The following ACTR3B variants were observed in gnomAD, a reference collection of about 807,000 sequenced individuals.
ACTR3B encodes actin related protein 3B.
A neutral mutation model predicts 59.0 loss-of-function variants in ACTR3B; 8 were observed. The observed-to-expected ratio is 0.14, with a 90% CI of 0.08 to 0.24. The LOEUF is 0.24. ACTR3B is among the 10% of genes least tolerant of loss of function. The pLI, the probability that ACTR3B is intolerant of heterozygous loss-of-function variation, is 1.00. For missense variants in ACTR3B, 245 were observed against 552.3 expected (o/e 0.44, Z 5.58); for synonymous variants, 148 against 197.9 (o/e 0.75, Z 2.12).
intron 2 of ACTR3B, among the ~76,000 whole-genome samples, chr7:152,798,155 A>G (rs1434613551): frequency 7.9e-5 from 12 of 151,948 alleles, no homozygotes; most frequent in Admixed American, 7.9e-4. Context: ...TCCCACCTAT[A>G]GTGTATAAAG....
intron 2 of ACTR3B, among the ~76,000 whole-genome samples, chr7:152,798,107 T>G (rs1430508250): frequency 6.6e-6 from 1 of 152,142 alleles, no homozygotes; most frequent in Non-Finnish European, 1.5e-5. Context: ...TTGAGGAGCC[T>G]CTATACTGTT....
chr7:152,781,270 A>G (rs1189931562), intron 1 of ACTR3B, among the ~76,000 whole-genome samples: 1 of 133,662 alleles, frequency 7.5e-6, no homozygotes, highest in Non-Finnish European at 1.5e-5. Context: ...AGATTGTAGG[A>G]GATGATATCT....
intron 2 of ACTR3B, among the ~76,000 whole-genome samples, chr7:152,799,308 T>C (rs2098227227): frequency 6.6e-6 from 1 of 152,240 alleles, no homozygotes; most frequent in Non-Finnish European, 1.5e-5. Context: ...AATATTTCTC[T>C]AATGTCTGTT....
intron 1 of ACTR3B, among the ~76,000 whole-genome samples, chr7:152,779,823 A>C (rs2098146056): frequency 6.6e-6 from 1 of 152,190 alleles, no homozygotes; most frequent in Admixed American, 6.5e-5. Flanking sequence ...GATTTTATTA[A>C]AATTTTAAAT....
intron 1 of ACTR3B, among the ~76,000 whole-genome samples, chr7:152,767,960 C>G (rs1469864547): frequency 6.6e-6 from 1 of 152,222 alleles, no homozygotes; most frequent in African/African-American, 2.4e-5. Flanking sequence ...TGGCTCACAC[C>G]TGTAATTGCA....
chr7:152,806,782 C>T (rs1397306264), intron 4 of ACTR3B, among the ~76,000 whole-genome samples: 1 of 152,222 alleles, frequency 6.6e-6, no homozygotes, highest in Admixed American at 6.5e-5. Context: ...TCCCTGTCCA[C>T]AAGGAAGTCT....
rs545633255 is a variant in ACTR3B, at chr7:152,830,428, T to A, written c.951+5306T>A. ...TGAAGCAGATGTAAATACATCCTGC[T>A]ATAGCAAAGGGATTGATTTTTCTGT... is the stretch of plus-strand genomic sequence containing the variant. On this transcript the variant is annotated intron_variant, in intron 9 of 11. Coordinates refer to ENST00000256001, the MANE Select transcript of ACTR3B (RefSeq NM_020445.6). Among the ~76,000 whole-genome samples, 73 of 152,384 alleles carry A rather than the reference T, an allele frequency of 4.8e-4. 1 individual carries two copies. The highest frequency in any genetic ancestry group is 1.6e-3 in the African/African-American group (68 of 41,594).
chr7:152,848,853 G>A (rs1798574339), intron 9 of ACTR3B, among the ~76,000 whole-genome samples: 1 of 152,190 alleles, frequency 6.6e-6, no homozygotes, highest in South Asian at 2.1e-4. Context: ...CTGCAGCTGT[G>A]GTTGATGGTC....
chr7:152,843,272 G>A (rs977457215), intron 9 of ACTR3B, among the ~76,000 whole-genome samples: 10 of 152,138 alleles, frequency 6.6e-5, no homozygotes, highest in South Asian at 2.1e-4. Context: ...ACAAAATTAC[G>A]AAGTTTTTAA....
chr7:152,785,155 T>C (rs1203654956), intron 2 of ACTR3B, among the ~76,000 whole-genome samples: 2 of 151,736 alleles, frequency 1.3e-5, no homozygotes, highest in Non-Finnish European at 2.9e-5. Flanking sequence ...CATTTAAAGC[T>C]GTCGGTAGCA....
rs550209677 is a variant in ACTR3B, at chr7:152,814,216, T to G, written c.337-334T>G. 21 of 248,062 alleles carry G rather than the reference T, an allele frequency of 8.5e-5. 1 individual carries two copies. The highest frequency in any genetic ancestry group is 4.2e-4 in the African/African-American group (17 of 40,400). 15.4% of individuals were successfully genotyped at this position (248,062 alleles called of 1,614,324 possible). ...TGTCCTCACTCGTCTTGGTTGTGTT[T>G]TCATAGCCCTTGGCAACTTGCTTCT... is the stretch of plus-strand genomic sequence containing the variant. On this transcript the variant is annotated intron_variant, in intron 4 of 11. Transcript: ENST00000256001.
At chr7:152,790,754 C>G (rs1312899909) in intron 2 of ACTR3B, among the ~76,000 whole-genome samples, 1 of 152,120 alleles carries the variant, frequency 6.6e-6, no homozygotes, top group Non-Finnish European at 1.5e-5. Flanking sequence ...GTAAAAATAT[C>G]TAACAGTCTT....
Position 152,795,950 on chromosome 7 carries a change from T to A in ACTR3B, c.101-4581T>A, listed in dbSNP as rs1299837384. On this transcript the variant is annotated intron_variant, in intron 2 of 11. Coordinates refer to ENST00000256001, the MANE Select transcript of ACTR3B (RefSeq NM_020445.6). ...CCTCTGCCTCCCAAGTTCAAGTGAT[T>A]CTCCTGCCTCAGCCTCCCAAGTAGC... 2.6e-5 allele frequency among the ~76,000 whole-genome samples: 4 copies of A among 151,878 alleles called. No individual in the cohort carries two copies. The East Asian group carries it at 7.7e-4, about 29-fold the overall frequency.
intron 9 of ACTR3B, among the ~76,000 whole-genome samples, chr7:152,850,694 A>G (rs1798734769): frequency 6.6e-6 from 1 of 152,276 alleles, no homozygotes; most frequent in Non-Finnish European, 1.5e-5. Context: ...CCAGAACAGC[A>G]GTAAGCAGGA....
At chr7:152,764,360 T>C (rs2098101047) in intron 1 of ACTR3B, among the ~76,000 whole-genome samples, 1 of 152,032 alleles carries the variant, frequency 6.6e-6, no homozygotes, top group Admixed American at 6.5e-5. Flanking sequence ...CCAGGCGCAG[T>C]GGCTCACACC....
At chr7:152,795,978 G>A (rs2098215202) in intron 2 of ACTR3B, among the ~76,000 whole-genome samples, 2 of 152,082 alleles carry the variant, frequency 1.3e-5, no homozygotes, top group South Asian at 4.2e-4. Flanking sequence ...CAAGTAGCTG[G>A]GATTATAGGC....
At chr7:152,850,532 GGTGGCTTCCT>G (rs1798720644) in intron 9 of ACTR3B, among the ~76,000 whole-genome samples, 1 of 152,270 alleles carries the variant, frequency 6.6e-6, no homozygotes, top group Non-Finnish European at 1.5e-5. Context: ...CCGGATCACT[GGTGGCTTCCT>G]GTGGCTTCTG....
intron 1 of ACTR3B, among the ~76,000 whole-genome samples, chr7:152,761,027 G>A (rs1050680285): frequency 1.3e-5 from 2 of 152,096 alleles, no homozygotes; most frequent in African/African-American, 4.8e-5. Context: ...CCTTGTGGGG[G>A]TGCCTTCTTT....
At chr7:152,850,054 C>G (rs1798673077) in intron 9 of ACTR3B, among the ~76,000 whole-genome samples, 1 of 150,628 alleles carries the variant, frequency 6.6e-6, no homozygotes, top group Non-Finnish European at 1.5e-5. Context: ...CCAGCTTCTC[C>G]AGGTAGAAGG....
Sources: allele counts gnomAD v4.1 joint callset (sites outside exome capture counted in the v4.1 genomes callset), GRCh38; gene constraint gnomAD v4.1.1; transcripts MANE v1.5; gene names NCBI Gene and HGNC (gene_info 2026-07-23, HGNC 2026-07-21).